Variants in ZC3H12B observed in about 807,000 individuals in gnomAD.
ZC3H12B encodes zinc finger CCCH-type containing 12B.
Under a neutral mutation model 43.9 loss-of-function variants are expected in ZC3H12B, and 7 were observed. That is an observed-to-expected ratio of 0.16 (90% CI 0.09 to 0.30). The LOEUF (loss-of-function observed/expected upper bound fraction) is 0.30, where lower values mean the gene tolerates loss of function less well. Ranked by LOEUF, ZC3H12B falls within the 10% of genes least tolerant of loss-of-function variation. The probability of loss-of-function intolerance (pLI) is 1.00; values close to 1 mark genes in which losing one functional copy is unlikely to be tolerated. For synonymous variants in ZC3H12B, 222 were observed against 241.7 expected (o/e 0.92, Z 0.76); for missense variants, 475 against 670.2 (o/e 0.71, Z 3.22).
the ZC3H12B span, among the ~76,000 whole-genome samples, chrX:65,156,533 A>G: frequency 1.8e-5 from 2 of 111,109 alleles, no homozygotes; most frequent in South Asian, 7.6e-4. Flanking sequence ...GGCGTCTGTC[A>G]CCACGCCTGG....
intron 3 of ZC3H12B, among the ~76,000 whole-genome samples, chrX:65,432,993 A>T (rs1417845489): frequency 8.9e-6 from 1 of 112,446 alleles, no homozygotes; most frequent in Non-Finnish European, 1.9e-5. Flanking sequence ...CCCCTGAAGT[A>T]GAACAGTAGA....
the ZC3H12B span, among the ~76,000 whole-genome samples, chrX:65,347,834 G>C: frequency 8.9e-5 from 10 of 112,191 alleles, no homozygotes; most frequent in South Asian, 3.7e-4. Context: ...TTGGAACCAA[G>C]CCAAATGTCC....
intron 2 of ZC3H12B, among the ~76,000 whole-genome samples, chrX:65,384,269 A>G (rs2066488997): frequency 9.4e-6 from 1 of 106,805 alleles, no homozygotes; most frequent in African/African-American, 3.4e-5. Flanking sequence ...TATCACAAGA[A>G]CAAAAAACCA....
chrX:65,254,164 C>A, the ZC3H12B span, among the ~76,000 whole-genome samples: 2 of 112,446 alleles, frequency 1.8e-5, no homozygotes, highest in East Asian at 5.6e-4. Context: ...CTGCTGCCAG[C>A]ACAAATGTGC....
the ZC3H12B span, among the ~76,000 whole-genome samples, chrX:65,269,190 C>T: frequency 9.1e-6 from 1 of 109,776 alleles, no homozygotes; most frequent in Non-Finnish European, 1.9e-5. Context: ...ACTAAAAATA[C>T]AAAAATTAGC....
the ZC3H12B span, among the ~76,000 whole-genome samples, chrX:65,182,886 C>T: frequency 8.9e-6 from 1 of 111,842 alleles, no homozygotes; most frequent in East Asian, 2.8e-4. Context: ...CATCTCATAC[C>T]AGCCAGAATG....
At chrX:65,309,332 G>A in the ZC3H12B span, among the ~76,000 whole-genome samples, 1 of 111,740 alleles carries the variant, frequency 8.9e-6, no homozygotes, top group South Asian at 3.7e-4. Context: ...TGATCCCACA[G>A]AAATACAAAT....
chrX:65,478,017 A>AT (rs781652598), intron 3 of ZC3H12B, among the ~76,000 whole-genome samples: 1 of 110,633 alleles, frequency 9.0e-6, no homozygotes, highest in South Asian at 3.8e-4. Context: ...TCTCCAGTGG[A>AT]TTTTTTATTT....
intron 2 of ZC3H12B, among the ~76,000 whole-genome samples, chrX:65,388,204 G>T (rs1043081528): frequency 5.4e-5 from 6 of 111,862 alleles, no homozygotes; most frequent in Admixed American, 9.5e-5. Flanking sequence ...CTAGATTGGG[G>T]AACTTCTCCT....
chrX:65,094,475 C>T, the ZC3H12B span, among the ~76,000 whole-genome samples: 1 of 111,201 alleles, frequency 9.0e-6, no homozygotes, highest in Non-Finnish European at 1.9e-5. Context: ...GGTCCAAGGA[C>T]CCCCAGGAGT....
the ZC3H12B span, among the ~76,000 whole-genome samples, chrX:65,164,025 C>T: frequency 8.9e-6 from 1 of 112,011 alleles, no homozygotes; most frequent in Non-Finnish European, 1.9e-5. Flanking sequence ...CTGATGATTT[C>T]TCTTTGCTCA....
the ZC3H12B span, among the ~76,000 whole-genome samples, chrX:65,255,796 T>C: frequency 8.9e-6 from 1 of 111,983 alleles, no homozygotes; most frequent in Non-Finnish European, 1.9e-5. Flanking sequence ...GAGACCCATT[T>C]CACATGCAAT....
chrX:65,362,754 G>T (rs772355479), upstream of ZC3H12B, among the ~76,000 whole-genome samples: 1 of 110,850 alleles, frequency 9.0e-6, no homozygotes, highest in Non-Finnish European at 1.9e-5. Context: ...TTACAGCATG[G>T]CCTTTTAAAG....
the ZC3H12B span, among the ~76,000 whole-genome samples, chrX:65,297,981 T>G: frequency 8.9e-6 from 1 of 111,981 alleles, no homozygotes; most frequent in Admixed American, 9.5e-5. Context: ...TCTCTCACCT[T>G]ATATAAAAAT....
chrX:65,394,045 T>G (rs1602373525), intron 2 of ZC3H12B, among the ~76,000 whole-genome samples: 1 of 112,125 alleles, frequency 8.9e-6, no homozygotes, highest in Non-Finnish European at 1.9e-5. Context: ...TTCAATGAGA[T>G]TGTTTGGTTT....
chrX:65,422,109 G>T (rs2067025064), intron 3 of ZC3H12B, among the ~76,000 whole-genome samples: 1 of 111,386 alleles, frequency 9.0e-6, no homozygotes, highest in African/African-American at 3.3e-5. Context: ...ACTTTTCAGG[G>T]CTGGGGCAAG....
At chrX:65,197,756 G>C in the ZC3H12B span, among the ~76,000 whole-genome samples, 3 of 112,342 alleles carry the variant, frequency 2.7e-5, no homozygotes, top group East Asian at 8.4e-4. Context: ...CCGCAGTCTG[G>C]TGGAGACCAC....
the ZC3H12B span, among the ~76,000 whole-genome samples, chrX:65,233,983 A>G: frequency 3.6e-5 from 4 of 111,531 alleles, no homozygotes; most frequent in Non-Finnish European, 5.7e-5. Flanking sequence ...TTTTCAGACT[A>G]TTCTGAGAAG....
intron 3 of ZC3H12B, among the ~76,000 whole-genome samples, chrX:65,447,730 A>G (rs1569411629): frequency 8.9e-6 from 1 of 112,061 alleles, no homozygotes; most frequent in Non-Finnish European, 1.9e-5. Context: ...AGGAACTCAC[A>G]CAAATCAGCA....
Sources: gnomAD v4.1 joint callset for allele counts (sites outside exome capture counted in the v4.1 genomes callset) on GRCh38, gnomAD v4.1.1 for gene constraint, MANE v1.5 for transcripts, NCBI Gene and HGNC (gene_info 2026-07-23, HGNC 2026-07-21) for gene names.